The following SCLT1 variants were observed in gnomAD, a reference collection of about 807,000 sequenced individuals.
SCLT1 encodes the protein sodium channel and clathrin linker 1, also known as sodium channel-associated protein 1.
In SCLT1, 78 loss-of-function variants were observed where a neutral mutation model predicts 112.8. The observed-to-expected ratio is 0.69, with a 90% CI of 0.58 to 0.83. SCLT1 has a LOEUF of 0.83. Among genes scored for constraint, SCLT1 ranks in the 40% least tolerant of loss-of-function variants. The probability of loss-of-function intolerance (pLI) is 0.00; values close to 1 mark genes in which losing one functional copy is unlikely to be tolerated. For missense variants in SCLT1, 747 were observed against 770.4 expected, an observed-to-expected ratio of 0.97 and a Z score of 0.36; for synonymous variants, 257 against 254.7, an observed-to-expected ratio of 1.01 and a Z score of -0.09.
rs1488634090 is a variant in SCLT1 at position 128,897,314 on chromosome 4, C to T, written c.1830-6177G>A. 3.6e-4 allele frequency among the ~76,000 whole-genome samples: 55 copies of T among 152,188 alleles called. 2 individuals carry two copies. In the East Asian group the frequency reaches 9.8e-3, roughly 27 times the overall value. Reference sequence around the variant, plus strand: ...CACAAAGGGAAGCCCATCAGACTAACAGCTGATCTCTCGGCAGAAACTCTA... The same window carrying T: ...CACAAAGGGAAGCCCATCAGACTAATAGCTGATCTCTCGGCAGAAACTCTA... On this transcript the variant is annotated intron_variant, in intron 18 of 20. Coordinates refer to ENST00000281142, the MANE Select transcript of SCLT1 (RefSeq NM_144643.4).
chr4:128,940,388 T>C (rs1181750684), intron 17 of SCLT1, among the ~76,000 whole-genome samples: 1 of 151,966 alleles, frequency 6.6e-6, no homozygotes, highest in African/African-American at 2.4e-5. Context: ...GGTCCCTCTA[T>C]TCCCAAAACT....
Position 129,059,787 on chromosome 4 carries a change from CT to C in SCLT1, c.103-15737del, listed in dbSNP as rs1749785213. Among the ~76,000 whole-genome samples the C allele has an allele frequency of 2.6e-5, 4 of 152,100 alleles. 1 individual carries two copies. Among genetic ancestry groups the C allele is most frequent in the Admixed American group, 2.0e-4 (3 of 15,270 alleles). On this transcript the variant is annotated intron_variant, in intron 2 of 20. Coordinates refer to ENST00000281142, the MANE Select transcript of SCLT1 (RefSeq NM_144643.4). ...GCTAGCTTTAGAATTTTCTCTTTGT[CT>C]TTGACTTTTGAAAATTTGTCTGTAA...
intron 5 of SCLT1, among the ~76,000 whole-genome samples, chr4:129,026,509 A>G (rs1422615841): frequency 6.6e-6 from 1 of 152,156 alleles, no homozygotes; most frequent in African/African-American, 2.4e-5. Flanking sequence ...CAACGAGAAC[A>G]AAGACACAAC....
At position 128,943,145 on chromosome 4, in the gene SCLT1, G is replaced by A; in HGVS notation, c.1483C>T (p.Leu495Phe). The change falls in exon 17 of 21, where the codon CTT becomes TTT. Residue 495 changes from leucine (L) to phenylalanine (F), a missense_variant. By Grantham distance (22) the Leu-to-Phe change is conservative. This residue lies in a region of SCLT1 where 723 missense variants were observed against 721.3 expected (regional missense o/e 1.00). Coordinates refer to ENST00000281142, the MANE Select transcript of SCLT1 (RefSeq NM_144643.4). ...ISRYQEMIQKLQNVLESEREN... is the reference protein window; with the variant it reads ...ISRYQEMIQKFQNVLESEREN... ...CTCTCAGACTCCAATACATTTTGAA[G>A]TTTCTGAATCATTTCTTGGTAACGT... The A allele has an allele frequency of 6.2e-7, 1 of 1,610,854 alleles. No homozygotes were observed. The highest frequency in any genetic ancestry group is 8.5e-7 in the Non-Finnish European group (1 of 1,178,766).
At chr4:128,946,332 T>A (rs930582428) in intron 15 of SCLT1, among the ~76,000 whole-genome samples, 180 bp from the exon 16 acceptor site, 1 of 152,104 alleles carries the variant, frequency 6.6e-6, no homozygotes, top group Non-Finnish European at 1.5e-5. Flanking sequence ...CAAAATAAAA[T>A]GCTAAAAACT....
intron 9 of SCLT1, among the ~76,000 whole-genome samples, chr4:128,975,257 T>A (rs1235810599): frequency 6.6e-6 from 1 of 152,026 alleles, no homozygotes; most frequent in African/African-American, 2.4e-5. Flanking sequence ...GCCAGGACGG[T>A]CTCGATCTGC....
chr4:128,897,551 C>G (rs1733880000), intron 18 of SCLT1, among the ~76,000 whole-genome samples: 2 of 149,230 alleles, frequency 1.3e-5, no homozygotes, highest in South Asian at 4.3e-4. Context: ...ACAACCGGTA[C>G]CAGCCGCTGC....
At chr4:128,899,147 A>C (rs998793209) in intron 18 of SCLT1, among the ~76,000 whole-genome samples, 25 of 152,226 alleles carry the variant, frequency 1.6e-4, no homozygotes, top group Non-Finnish European at 2.6e-4. Context: ...CAATAGAAAA[A>C]GAGGGAGTGC....
intron 2 of SCLT1, among the ~76,000 whole-genome samples, chr4:129,046,337 C>T (rs114244865): frequency 0.018 from 2,779 of 152,160 alleles, 34 homozygotes; most frequent in Non-Finnish European, 0.029. Flanking sequence ...TAAGTCACTA[C>T]CCCCAGGCTC....
At chr4:128,979,544 T>C (rs1264230441) in intron 9 of SCLT1, among the ~76,000 whole-genome samples, 1 of 152,184 alleles carries the variant, frequency 6.6e-6, no homozygotes, top group Admixed American at 6.5e-5. Flanking sequence ...CTGTAATAAA[T>C]ACATTTCTGT....
At chr4:129,021,903 T>A (rs1439575503) in intron 5 of SCLT1, among the ~76,000 whole-genome samples, 1 of 152,104 alleles carries the variant, frequency 6.6e-6, no homozygotes, top group African/African-American at 2.4e-5. Context: ...CTGACAGACA[T>A]CTCATATAGG....
At position 128,884,075 on chromosome 4, in the gene SCLT1, A is replaced by G. The variant is rs1221605707; in HGVS notation, c.*402T>C. On this transcript the variant is annotated 3_prime_UTR_variant, in exon 21 of 21. Transcript: ENST00000281142. ...GAACTTTAAAAATGAGTTAGAAGTAACAATTAGATGTAAAATTCTCAAATC... is the reference window on the plus strand; with the variant it reads ...GAACTTTAAAAATGAGTTAGAAGTAGCAATTAGATGTAAAATTCTCAAATC... 3 of 155,888 alleles carry G rather than the reference A, an allele frequency of 1.9e-5. No individual in the cohort carries two copies. The highest frequency in any genetic ancestry group is 7.2e-5 in the African/African-American group (3 of 41,646). The allele number at this position is 155,888 out of a possible 1,614,324, so 9.7% of individuals were successfully genotyped here. A position where few individuals can be genotyped will look rare whatever the true frequency, so the allele number is the denominator to read the frequency against.
At chr4:129,002,990 T>C (rs1743655168) in intron 6 of SCLT1, among the ~76,000 whole-genome samples, 2 of 152,138 alleles carry the variant, frequency 1.3e-5, no homozygotes, top group South Asian at 2.1e-4. Flanking sequence ...CACATGTATG[T>C]TTATTGCAGT....
In SCLT1 at chr4:128,969,486, G is replaced by A. The variant is rs866836887; in HGVS notation, c.777+892C>T. Among the ~76,000 whole-genome samples, 8 of 152,084 alleles carry A rather than the reference G, an allele frequency of 5.3e-5. No homozygotes were observed. The South Asian group carries it at 1.5e-3, about 28-fold the overall frequency. Reference sequence around the variant, plus strand: ...ACTTGGGAGGCTGAGGCAGGAGGACGGCATGAACCCGGGAGGCAGAGCTGA... The same window carrying A: ...ACTTGGGAGGCTGAGGCAGGAGGACAGCATGAACCCGGGAGGCAGAGCTGA... On this transcript the variant is annotated intron_variant, in intron 10 of 20. Transcript: ENST00000281142.
chr4:128,978,097 T>C (rs1023644086), intron 9 of SCLT1, among the ~76,000 whole-genome samples: 3 of 152,188 alleles, frequency 2.0e-5, no homozygotes, highest in African/African-American at 7.2e-5. Flanking sequence ...GCTAGTAAGA[T>C]AGAGAGACCC....
chr4:128,912,858 T>C (rs550770583), intron 18 of SCLT1, among the ~76,000 whole-genome samples: 2 of 152,308 alleles, frequency 1.3e-5, no homozygotes, highest in East Asian at 3.9e-4. Flanking sequence ...GAAAAAAAGA[T>C]GGCAAAAATC....
chr4:129,009,940 C>T lies in SCLT1; in HGVS notation c.291-6064G>A, dbSNP rs746384173. On this transcript the variant is annotated intron_variant, in intron 5 of 20. Coordinates refer to ENST00000281142, the MANE Select transcript of SCLT1 (RefSeq NM_144643.4). ...TAGTTTCTTTTGCTGTGCAGGAGCT[C>T]TTTAGTTTAATTAGATCCCATTTGT... Among the ~76,000 whole-genome samples, 54 of 152,280 alleles carry T rather than the reference C, an allele frequency of 3.5e-4. 1 individual carries two copies. The highest frequency in any genetic ancestry group is 6.8e-3 in the Middle Eastern group (2 of 294).
intron 2 of SCLT1, among the ~76,000 whole-genome samples, chr4:129,050,830 T>C (rs1748711351): frequency 6.6e-6 from 1 of 152,136 alleles, no homozygotes; most frequent in Non-Finnish European, 1.5e-5. Flanking sequence ...AATGGTGCTG[T>C]CTAGGTTTTC....
At chr4:128,952,042 G>A (rs536616066) in intron 14 of SCLT1, among the ~76,000 whole-genome samples, 10 of 152,152 alleles carry the variant, frequency 6.6e-5, no homozygotes, top group Non-Finnish European at 2.9e-5. Context: ...GAAGGCGTAA[G>A]ACTCTACTAT....
Sources: allele counts gnomAD v4.1 joint callset (sites outside exome capture counted in the v4.1 genomes callset), GRCh38; gene constraint gnomAD v4.1.1; regional missense constraint gnomAD v4.1.1; transcripts MANE v1.5; gene names NCBI Gene and HGNC (gene_info 2026-07-23, HGNC 2026-07-21).